The following RHOBTB1 variants were observed in gnomAD, a reference collection of about 807,000 sequenced individuals.
RHOBTB1 encodes Rho related BTB domain containing 1, also known as rho-related BTB domain-containing protein 1.
In RHOBTB1, 40 loss-of-function variants were observed where a neutral mutation model predicts 71.6. The observed-to-expected ratio is 0.56, with a 90% confidence interval of 0.43 to 0.73. The LOEUF (loss-of-function observed/expected upper bound fraction) is 0.73, where lower values mean the gene tolerates loss of function less well. RHOBTB1 is among the 30% of genes least tolerant of loss of function. The pLI is 0.00. For missense variants in RHOBTB1, 797 were observed against 894.0 expected, an observed-to-expected ratio of 0.89 and a Z score of 1.38; for synonymous variants, 319 against 334.9, an observed-to-expected ratio of 0.95 and a Z score of 0.52.
chr10:60,884,259 C>T (rs184678832), intron 7 of RHOBTB1, among the ~76,000 whole-genome samples: 5 of 152,158 alleles, frequency 3.3e-5, no homozygotes, highest in East Asian at 3.9e-4. Context: ...TGGGAGTGCT[C>T]GAATTTCTTG....
At chr10:60,888,029 T>A (rs35314358) in intron 6 of RHOBTB1, among the ~76,000 whole-genome samples, 183 bp downstream of exon 6, 35,115 of 152,054 alleles carry the variant, frequency 0.23, 4,293 homozygotes, top group East Asian at 0.49. Flanking sequence ...GAGACAATCA[T>A]ATTTAACCTT....
chr10:60,978,101 A>C (rs2086374723), intron 2 of RHOBTB1, among the ~76,000 whole-genome samples: 1 of 152,208 alleles, frequency 6.6e-6, no homozygotes, highest in Non-Finnish European at 1.5e-5. Context: ...TGAACATTAA[A>C]TTAATAATAT....
intron 2 of RHOBTB1, among the ~76,000 whole-genome samples, chr10:60,932,788 A>G (rs1449918039): frequency 6.6e-6 from 1 of 152,328 alleles, no homozygotes; most frequent in African/African-American, 2.4e-5. Context: ...AGATATACTA[A>G]GCACTCATTT....
intron 2 of RHOBTB1, among the ~76,000 whole-genome samples, chr10:60,930,052 T>C (rs2084145062): frequency 6.6e-6 from 1 of 152,154 alleles, no homozygotes. Context: ...AAAAGCTCTA[T>C]AATATGAACA....
Position 60,911,521 on chromosome 10 carries a change from C to G in RHOBTB1, c.22G>C (p.Glu8Gln). The G allele has an allele frequency of 6.2e-7, 1 of 1,614,086 alleles. No individual in the cohort carries two copies. Among genetic ancestry groups the G allele is most frequent in the Middle Eastern group, 1.6e-4 (1 of 6,062 alleles). ...TTGATAGTTTCAACGTTGGGTCTTT[C>G]GTAGTCCATGTCAGCGTCCATTTAT... MDADMDY[E>Q]RPNVETIKCV... The change falls in exon 3 of 11, where the codon GAA becomes CAA. Residue 8 changes from glutamate (E) to glutamine (Q), a missense_variant. Glu to Gln is a conservative substitution (Grantham distance 29). Transcript: ENST00000337910.
chr10:60,987,773 T>C (rs185103144), intron 1 of RHOBTB1, among the ~76,000 whole-genome samples: 1 of 152,184 alleles, frequency 6.6e-6, no homozygotes, highest in East Asian at 1.9e-4. Context: ...GATCAATATG[T>C]TTTACCACTT....
intron 2 of RHOBTB1, among the ~76,000 whole-genome samples, chr10:60,927,800 C>G (rs1339608481): frequency 6.6e-6 from 1 of 152,072 alleles, no homozygotes; most frequent in African/African-American, 2.4e-5. Flanking sequence ...GGACATTGGG[C>G]TGGACAAAGA....
chr10:60,999,442 C>T (rs1449649625), intron 1 of RHOBTB1, among the ~76,000 whole-genome samples: 3 of 152,116 alleles, frequency 2.0e-5, no homozygotes, highest in African/African-American at 4.8e-5. Context: ...TCTAGGATGT[C>T]GGTAAACAGA....
At chr10:60,897,447 C>T (rs1034711429) in intron 4 of RHOBTB1, among the ~76,000 whole-genome samples, 1 of 152,212 alleles carries the variant, frequency 6.6e-6, no homozygotes, top group Non-Finnish European at 1.5e-5. Flanking sequence ...TTGCCACTAT[C>T]ATCCAGCTGA....
intron 2 of RHOBTB1, among the ~76,000 whole-genome samples, chr10:60,936,558 C>T (rs547131287): frequency 2.6e-5 from 4 of 152,196 alleles, no homozygotes; most frequent in South Asian, 2.1e-4. Context: ...TAAAATAAGG[C>T]GGTCTGGTTA....
At chr10:60,922,036 T>C (rs2083593781) in intron 2 of RHOBTB1, among the ~76,000 whole-genome samples, 3 of 152,166 alleles carry the variant, frequency 2.0e-5, no homozygotes, top group Admixed American at 1.3e-4. Context: ...GAAAAACAAA[T>C]GAGTGCTTGT....
downstream of RHOBTB1, among the ~76,000 whole-genome samples, chr10:60,867,584 G>A (rs1337931615): frequency 6.6e-6 from 1 of 152,160 alleles, no homozygotes; most frequent in East Asian, 1.9e-4. Context: ...TGATCGCTTG[G>A]TTTCCACCCA....
chr10:60,995,361 C>T (rs1388393720), intron 1 of RHOBTB1, among the ~76,000 whole-genome samples: 2 of 152,098 alleles, frequency 1.3e-5, no homozygotes, highest in Non-Finnish European at 2.9e-5. Flanking sequence ...GGGGAGGAAC[C>T]ATCAGAGATT....
At chr10:60,995,195 C>A (rs1007324933) in intron 1 of RHOBTB1, among the ~76,000 whole-genome samples, 1 of 152,048 alleles carries the variant, frequency 6.6e-6, no homozygotes, top group African/African-American at 2.4e-5. Flanking sequence ...TCACAAAATT[C>A]CATGCTGGGA....
chr10:60,873,831 T>C (rs1414118216), intron 9 of RHOBTB1, among the ~76,000 whole-genome samples: 1 of 152,284 alleles, frequency 6.6e-6, no homozygotes, highest in Admixed American at 6.5e-5. Flanking sequence ...TACTTGCCTA[T>C]GATTGCCCTG....
At chr10:60,904,967 G>C (rs1372680832) in intron 4 of RHOBTB1, among the ~76,000 whole-genome samples, 1 of 152,136 alleles carries the variant, frequency 6.6e-6, no homozygotes, top group East Asian at 1.9e-4. Flanking sequence ...ATTTAAAAGT[G>C]TGGTTTGGAT....
At chr10:60,949,043 G>C (rs780690293), upstream of RHOBTB1, among the ~76,000 whole-genome samples, 1 of 152,206 alleles carries the variant, frequency 6.6e-6, no homozygotes, top group African/African-American at 2.4e-5. Context: ...GCTCCAGCTA[G>C]TGATGACAAA....
chr10:60,888,920 A>G lies in RHOBTB1; in HGVS notation c.748T>C (p.Ser250Pro), dbSNP rs1413503026. The G allele has an allele frequency of 1.2e-6, 2 of 1,614,066 alleles. No individual in the cohort carries two copies. Among genetic ancestry groups the G allele is most frequent in the Non-Finnish European group, 1.7e-6 (2 of 1,180,038 alleles). ...CAGGCAGCTTCATTTGTCCCCATGG[A>G]AGGACACTCTGGAATTTTGATGACC... ...PPVIKIPECP[S>P]MGTNEAACLL... The change falls in exon 6 of 11, where the codon TCC (serine) becomes CCC (proline). Residue 250 changes from serine to proline, a missense_variant. This residue lies in a region of RHOBTB1 where 658 missense variants were observed against 681.5 expected (regional missense o/e 0.97). Coordinates refer to ENST00000337910, the MANE Select transcript of RHOBTB1 (RefSeq NM_014836.5).
rs190480791 is a variant in RHOBTB1, at chr10:60,926,002, G to A, written c.-10-14450C>T. ...TCCTAGCACTTTGTGGGGCCGAGGCGGGCAGATCACTTGAGGTCAGGAGCT... is the reference window on the plus strand; with the variant it reads ...TCCTAGCACTTTGTGGGGCCGAGGCAGGCAGATCACTTGAGGTCAGGAGCT... On this transcript the variant is annotated intron_variant, in intron 2 of 10. Coordinates refer to ENST00000337910, the MANE Select transcript of RHOBTB1 (RefSeq NM_014836.5). 1.8e-3 allele frequency among the ~76,000 whole-genome samples: 275 copies of A among 152,164 alleles called. 1 individual carries two copies. Among genetic ancestry groups the A allele is most frequent in the African/African-American group, 5.7e-3 (237 of 41,472 alleles).
Sources: gnomAD v4.1 joint callset for allele counts (sites outside exome capture counted in the v4.1 genomes callset) on GRCh38, gnomAD v4.1.1 for gene constraint, gnomAD v4.1.1 regional missense constraint, MANE v1.5 for transcripts, NCBI Gene and HGNC (gene_info 2026-07-23, HGNC 2026-07-21) for gene names.